POP4: variants seen among roughly 807,000 people sequenced by gnomAD.
The protein encoded by POP4 is ribonuclease P protein subunit p29.
Under a neutral mutation model 29.9 loss-of-function variants are expected in POP4, and 31 were observed. The ratio of observed to expected loss-of-function variants is 1.04; its 90% CI spans 0.78 to 1.40. The LOEUF (loss-of-function observed/expected upper bound fraction) is 1.40. Ranked by LOEUF, POP4 falls within the 40% of genes most tolerant of loss-of-function variation. POP4 has a pLI of 0.00. For synonymous variants in POP4, 110 were observed against 108.2 expected (o/e 1.02, Z -0.10); for missense variants, 286 against 282.7 (o/e 1.01, Z -0.08).
intron 6 of POP4, 75 bp downstream of exon 6, chr19:29,614,047 T>C: frequency 2.6e-6 from 4 of 1,538,754 alleles, no homozygotes; most frequent in South Asian, 2.6e-5. Context: ...TCCTCAAGGC[T>C]CCAAGAGTTT....
intron 5 of POP4, 131 bp from the exon 6 acceptor site, chr19:29,613,740 C>T (rs556236696): frequency 2.1e-6 from 3 of 1,400,590 alleles, no homozygotes; most frequent in Non-Finnish European, 2.8e-6. Context: ...CCCCCACCCC[C>T]TGGGTGCTCT....
chr19:29,612,375 C>T (rs1971079685), intron 5 of POP4, among the ~76,000 whole-genome samples, 197 bp downstream of exon 5: 1 of 152,140 alleles, frequency 6.6e-6, no homozygotes, highest in South Asian at 2.1e-4. Context: ...CGGCCATTTG[C>T]TGGACACACC....
At chr19:29,606,498 G>C (rs1381397765) in intron 1 of POP4, 173 bp downstream of exon 1, 10 of 692,970 alleles carry the variant, frequency 1.4e-5, no homozygotes, top group East Asian at 1.3e-4. Flanking sequence ...GGGTTAGCCT[G>C]GCTCGACCTC....
At chr19:29,610,823 TTGTC>T (rs1295681236) in intron 3 of POP4, 191 bp downstream of exon 3, 12 of 604,142 alleles carry the variant, frequency 2.0e-5, no homozygotes, top group Admixed American at 1.5e-4. Context: ...ACAGGACTCA[TTGTC>T]TGGCCTCTCT....
intron 3 of POP4, chr19:29,610,905 C>T (rs1275369174): frequency 4.3e-6 from 2 of 469,436 alleles, no homozygotes; most frequent in East Asian, 3.7e-5. Context: ...GTTTGTCCTT[C>T]GGCTTTGTTA....
At chr19:29,613,049 C>T (rs868433819) in intron 5 of POP4, among the ~76,000 whole-genome samples, 3 of 152,354 alleles carry the variant, frequency 2.0e-5, no homozygotes, top group East Asian at 3.9e-4. Flanking sequence ...TGCCTCAGGG[C>T]TTCGCCTCTG....
chr19:29,610,239 G>A, intron 2 of POP4, 170 bp from the exon 3 acceptor site: 3 of 614,500 alleles, frequency 4.9e-6, no homozygotes, highest in East Asian at 5.6e-5. Flanking sequence ...CATCTCGGCA[G>A]CTGTGGGTAG....
intron 1 of POP4, among the ~76,000 whole-genome samples, chr19:29,607,146 A>T (rs4805445): frequency 0.32 from 49,010 of 152,022 alleles, 8,361 homozygotes; most frequent in East Asian, 0.49. Flanking sequence ...TCAAACAAAC[A>T]TACCTGGCTG....
At chr19:29,615,202 C>T (rs1444205848) in intron 6 of POP4, 42 bp from the exon 7 acceptor site, 2 of 1,489,474 alleles carry the variant, frequency 1.3e-6, no homozygotes, top group Non-Finnish European at 1.8e-6. Flanking sequence ...AAATATTTTT[C>T]CTCATCTTTT....
chr19:29,612,812 C>T (rs1016188151), intron 5 of POP4, among the ~76,000 whole-genome samples: 1 of 152,252 alleles, frequency 6.6e-6, no homozygotes, highest in African/African-American at 2.4e-5. Flanking sequence ...GAACATCCTA[C>T]TACTTAAATT....
In POP4 at chr19:29,616,905, C is replaced by T. The variant is rs575242704; in HGVS notation, c.*1525C>T. On this transcript the variant is annotated 3_prime_UTR_variant, in exon 7 of 7. Transcript: ENST00000585603. ...TCATCTGCCACAGGAAGACAGACTT[C>T]GAGGGACCTCTTGCCTAAGGCCTCG... 6.6e-6 allele frequency: 1 copy of T among 151,862 alleles called. No homozygotes were observed. Among genetic ancestry groups the T allele is most frequent in the African/African-American group, 2.4e-5 (1 of 41,296 alleles). The allele number at this position is 151,862 out of a possible 1,614,324, so 9.4% of individuals were successfully genotyped here.
rs1248991827 is a variant in POP4, at chr19:29,615,362, G to A, written c.645G>A (p.Lys215=). ...SERSAKKFKA[K]GTIDL ...GGTCTGCGAAGAAGTTCAAAGCGAAGGGAACGATTGACCTGTGAATTCTTT... is the reference window on the plus strand; with the variant it reads ...GGTCTGCGAAGAAGTTCAAAGCGAAAGGAACGATTGACCTGTGAATTCTTT... Residue 215 remains lysine (K), a synonymous_variant, in exon 7 of 7, where the codon AAG becomes AAA. Coordinates refer to ENST00000585603, the MANE Select transcript of POP4 (RefSeq NM_006627.3). The A allele has an allele frequency of 6.2e-7, 1 of 1,613,344 alleles. No homozygotes were observed. The highest frequency in any genetic ancestry group is 8.5e-7 in the Non-Finnish European group (1 of 1,179,808).
At chr19:29,611,056 A>G (rs1971062669) in intron 3 of POP4, 1 of 197,350 alleles carries the variant, frequency 5.1e-6, no homozygotes, top group Non-Finnish European at 1.1e-5. Flanking sequence ...GGAATGCATC[A>G]CTGTCCTGTC....
At chr19:29,606,764 G>A (rs1599484009) in intron 1 of POP4, among the ~76,000 whole-genome samples, 1 of 152,142 alleles carries the variant, frequency 6.6e-6, no homozygotes, top group African/African-American at 2.4e-5. Context: ...GTGCCAAGGA[G>A]GGGCGTGTAG....
rs1305145289 is a variant in POP4, at chr19:29,611,771, G to C, written c.285-91G>C. 8.5e-6 allele frequency: 9 copies of C among 1,064,876 alleles called. No homozygotes were observed. The African/African-American group carries it at 1.3e-4, about 15-fold the overall frequency. The allele number at this position is 1,064,876 out of a possible 1,614,324, so 66.0% of individuals were successfully genotyped here. On this transcript the variant is annotated intron_variant, in intron 3 of 6. Coordinates refer to ENST00000585603, the MANE Select transcript of POP4 (RefSeq NM_006627.3). ...TTCCTAATGATCCCAGGTTGCAGTT[G>C]TTGGCATCAAGTCAAGCTCTGTGCT...
chr19:29,610,207 A>G, intron 2 of POP4: 1 of 582,284 alleles, frequency 1.7e-6, no homozygotes, highest in Non-Finnish European at 3.1e-6. Flanking sequence ...ACGGTCATGA[A>G]TTGGTGTGTG....
At chr19:29,611,646 G>A in intron 3 of POP4, 1 of 555,098 alleles carries the variant, frequency 1.8e-6, no homozygotes. Flanking sequence ...CACCGCCCTG[G>A]GCTGGTGTGG....
chr19:29,613,613 CA>C (rs1971096662), intron 5 of POP4, among the ~76,000 whole-genome samples: 2 of 152,170 alleles, frequency 1.3e-5, no homozygotes, highest in Non-Finnish European at 2.9e-5. Context: ...GAATCCTGCC[CA>C]AGACCCCTGT....
In POP4 at chr19:29,615,238, T is replaced by C. The variant is rs775410339; in HGVS notation, c.527-6T>C. The C allele has an allele frequency of 7.2e-6, 11 of 1,532,890 alleles. No individual in the cohort carries two copies. The highest frequency in any genetic ancestry group is 9.6e-6 in the Non-Finnish European group (11 of 1,144,140). The allele number at this position is 1,532,890 out of a possible 1,614,324, so 95.0% of individuals were successfully genotyped here. A position where few individuals can be genotyped will look rare whatever the true frequency, so the allele number is the denominator to read the frequency against. On this transcript the variant is annotated splice_polypyrimidine_tract_variant and splice_region_variant and intron_variant, in intron 6 of 6. Transcript: ENST00000585603. Reference sequence around the variant, plus strand: ...TTTCTCCTGCCTTTTTTTTTTTTTTTTTCAGTTATCCCCAAGCTAAACTGC... The same window carrying C: ...TTTCTCCTGCCTTTTTTTTTTTTTTCTTCAGTTATCCCCAAGCTAAACTGC...
Sources: gnomAD v4.1 joint callset for allele counts (sites outside exome capture counted in the v4.1 genomes callset) on GRCh38, gnomAD v4.1.1 for gene constraint, MANE v1.5 for transcripts, NCBI Gene and HGNC (gene_info 2026-07-23, HGNC 2026-07-21) for gene names.